ARHGAP19: variants seen among roughly 807,000 people sequenced by gnomAD.
ARHGAP19 encodes Rho GTPase activating protein 19.
A neutral mutation model predicts 60.9 loss-of-function variants in ARHGAP19; 48 were observed. The ratio of observed to expected loss-of-function variants is 0.79; its 90% CI spans 0.62 to 1.00. The LOEUF (loss-of-function observed/expected upper bound fraction) is 1.00, where lower values mean the gene tolerates loss of function less well. Ranked by LOEUF, ARHGAP19 falls within the 50% of genes least tolerant of loss-of-function variation. The pLI, the probability that ARHGAP19 is intolerant of heterozygous loss-of-function variation, is 0.00. For missense variants in ARHGAP19, 562 were observed against 597.2 expected, an observed-to-expected ratio of 0.94 and a Z score of 0.61; for synonymous variants, 209 against 215.5, an observed-to-expected ratio of 0.97 and a Z score of 0.27.
chr10:97,264,870 TC>T lies in ARHGAP19; in HGVS notation c.358del (p.Glu120LysfsTer9). Reference protein sequence around the residue: ...GVIFGSPLTEEGIAQIYQLIE... With the variant: ...GVIFGSPLTEXGIAQIYQLIE... Reference sequence around the variant, plus strand: ...CAGTTGGTATATCTGGGCAATGCCTTCCTCCGTCAGTGGGGACCCAAATATC... The same window carrying T: ...CAGTTGGTATATCTGGGCAATGCCTTCTCCGTCAGTGGGGACCCAAATATC... On this transcript the variant is annotated frameshift_variant, in exon 3 of 12. Transcript: ENST00000358531. LOFTEE classifies it high-confidence loss of function. The T allele has an allele frequency of 3.1e-6, 5 of 1,613,820 alleles. No homozygotes were observed. The highest frequency in any genetic ancestry group is 4.2e-6 in the Non-Finnish European group (5 of 1,179,768).
intron 1 of ARHGAP19, among the ~76,000 whole-genome samples, chr10:97,266,931 T>C (rs1842906025): frequency 1.3e-5 from 2 of 152,062 alleles, no homozygotes; most frequent in Non-Finnish European, 2.9e-5. Flanking sequence ...CCAAACCATA[T>C]CATTCTGCCC....
chr10:97,235,652 CCA>C (rs138893416), intron 8 of ARHGAP19, among the ~76,000 whole-genome samples: 1,970 of 152,262 alleles, frequency 0.013, 49 homozygotes, highest in South Asian at 0.094. Context: ...CATCTTGGAA[CCA>C]CACAGTTACT....
intron 1 of ARHGAP19, among the ~76,000 whole-genome samples, chr10:97,273,168 T>A (rs776128968): frequency 3.9e-4 from 60 of 152,142 alleles, no homozygotes; most frequent in Non-Finnish European, 6.8e-4. Context: ...TTAGTTTCTT[T>A]TTTTTTCTCT....
intron 1 of ARHGAP19, among the ~76,000 whole-genome samples, chr10:97,281,759 AAT>A (rs1843088989): frequency 6.6e-6 from 1 of 152,218 alleles, no homozygotes; most frequent in South Asian, 2.1e-4. Flanking sequence ...TGATACAGAC[AAT>A]AAAGGCTCTA....
At chr10:97,286,068 T>C (rs761767414) in intron 1 of ARHGAP19, among the ~76,000 whole-genome samples, 3 of 152,170 alleles carry the variant, frequency 2.0e-5, no homozygotes, top group Non-Finnish European at 4.4e-5. Context: ...TGATCATTGA[T>C]AAAATGTAAA....
intron 6 of ARHGAP19, among the ~76,000 whole-genome samples, 185 bp from the exon 7 acceptor site, chr10:97,246,522 C>T (rs1223196649): frequency 6.6e-6 from 1 of 152,142 alleles, no homozygotes; most frequent in Non-Finnish European, 1.5e-5. Flanking sequence ...GATACCTCAA[C>T]AAATCTGATG....
intron 6 of ARHGAP19, among the ~76,000 whole-genome samples, chr10:97,251,932 A>G (rs1842688668): frequency 6.6e-6 from 1 of 151,288 alleles, no homozygotes; most frequent in Non-Finnish European, 1.5e-5. Context: ...ATAGAGAAAC[A>G]ACAAGAAATT....
intron 1 of ARHGAP19, among the ~76,000 whole-genome samples, 186 bp from the exon 2 acceptor site, chr10:97,266,311 G>A (rs1471676491): frequency 6.6e-6 from 1 of 152,122 alleles, no homozygotes; most frequent in African/African-American, 2.4e-5. Context: ...AGAAGGGAAG[G>A]CATTTACAGG....
In ARHGAP19 at chr10:97,280,432, G is replaced by GA. The variant is rs367815153; in HGVS notation, c.56+12139dup. Among the ~76,000 whole-genome samples the GA allele has an allele frequency of 1.4e-3, 208 of 150,584 alleles. 1 individual carries two copies. Among genetic ancestry groups the GA allele is most frequent in the African/African-American group, 4.9e-3 (200 of 41,114 alleles). ...TCAAAAATAATAATAATAATTAAAA[G>GA]AAAAAAAAGGTAACATCAAAATTCC... is the stretch of plus-strand genomic sequence containing the variant. On this transcript the variant is annotated intron_variant, in intron 1 of 11. Coordinates refer to ENST00000358531, the MANE Select transcript of ARHGAP19 (RefSeq NM_032900.6).
intron 8 of ARHGAP19, among the ~76,000 whole-genome samples, chr10:97,241,618 C>G (rs1842483080): frequency 6.6e-6 from 1 of 150,930 alleles, no homozygotes; most frequent in African/African-American, 2.4e-5. Context: ...CAGGCTGAGG[C>G]AGGAGGATTG....
At chr10:97,234,233 C>G (rs1851085561) in intron 9 of ARHGAP19, among the ~76,000 whole-genome samples, 1 of 151,686 alleles carries the variant, frequency 6.6e-6, no homozygotes, top group South Asian at 2.1e-4. Flanking sequence ...TGTTATTGCA[C>G]TCCAGCCTGG....
intron 9 of ARHGAP19, among the ~76,000 whole-genome samples, chr10:97,232,228 A>T (rs1183626991): frequency 7.0e-6 from 1 of 143,088 alleles, no homozygotes. Flanking sequence ...CAGTGGCTCA[A>T]TCTCGGCTCA....
chr10:97,255,903 A>T (rs1435912424), intron 6 of ARHGAP19, among the ~76,000 whole-genome samples: 1 of 152,154 alleles, frequency 6.6e-6, no homozygotes, highest in Non-Finnish European at 1.5e-5. Context: ...TCCACAGAAG[A>T]CCTACAAAGT....
rs1162465048 is a variant in ARHGAP19 at position 97,259,424 on chromosome 10, G to A, written c.818C>T (p.Pro273Leu). 1 of 1,614,084 alleles carries A rather than the reference G, an allele frequency of 6.2e-7. No individual in the cohort carries two copies. Among genetic ancestry groups the A allele is most frequent in the Non-Finnish European group, 8.5e-7 (1 of 1,179,986 alleles). Residue 273 changes from proline (P) to leucine (L), a missense_variant, in exon 5 of 12, where the codon CCC (proline) becomes CTC (leucine). Coordinates refer to ENST00000358531, the MANE Select transcript of ARHGAP19 (RefSeq NM_032900.6). Reference sequence around the variant, plus strand: ...CACATTTTTTGGCCACAGGACATGGGGTGCAAACATAAGGGCAAGGTTATA... The same window carrying A: ...CACATTTTTTGGCCACAGGACATGGAGTGCAAACATAAGGGCAAGGTTATA... ...SAYNLALMFA[P>L]HVLWPKNVTA...
chr10:97,249,784 T>C (rs1842615641), intron 6 of ARHGAP19, among the ~76,000 whole-genome samples: 1 of 149,648 alleles, frequency 6.7e-6, no homozygotes, highest in Non-Finnish European at 1.5e-5. Flanking sequence ...GATGTGATAA[T>C]AGTAGTGTGA....
intron 1 of ARHGAP19, among the ~76,000 whole-genome samples, chr10:97,286,599 C>G (rs1349007338): frequency 2.6e-5 from 4 of 152,130 alleles, no homozygotes; most frequent in Non-Finnish European, 4.4e-5. Flanking sequence ...GTCAAAAAAC[C>G]AAGGCTCAGA....
At chr10:97,229,117 G>A (rs747528775) in intron 11 of ARHGAP19, 30 bp downstream of exon 11, 2 of 1,572,136 alleles carry the variant, frequency 1.3e-6, no homozygotes, top group African/African-American at 2.7e-5. Context: ...ATTACATTTA[G>A]TAAGAACAGA....
chr10:97,255,555 C>T (rs1044133104), intron 6 of ARHGAP19, among the ~76,000 whole-genome samples: 6 of 151,830 alleles, frequency 4.0e-5, no homozygotes, highest in Non-Finnish European at 7.4e-5. Context: ...CCAGCCTGGG[C>T]GACAGAGTGA....
chr10:97,240,029 G>A (rs893713293), intron 8 of ARHGAP19, among the ~76,000 whole-genome samples: 5 of 151,412 alleles, frequency 3.3e-5, no homozygotes, highest in Admixed American at 1.3e-4. Context: ...TAATTTCTTA[G>A]TTTTTATAAT....
Sources: gnomAD v4.1 joint callset for allele counts (sites outside exome capture counted in the v4.1 genomes callset) on GRCh38, gnomAD v4.1.1 for gene constraint, MANE v1.5 for transcripts, NCBI Gene and HGNC (gene_info 2026-07-23, HGNC 2026-07-21) for gene names.